Variants in ACSM6 observed in about 807,000 individuals in gnomAD.
ACSM6 encodes acyl-coenzyme A synthetase ACSM6, mitochondrial.
A neutral mutation model predicts 51.1 loss-of-function variants in ACSM6; 35 were observed. The observed-to-expected ratio is 0.69, with a 90% confidence interval of 0.52 to 0.91. The LOEUF is 0.91. ACSM6 is among the 40% of genes least tolerant of loss of function. The probability of loss-of-function intolerance (pLI) is 0.00; values close to 1 mark genes in which losing one functional copy is unlikely to be tolerated. For synonymous variants in ACSM6, 172 were observed against 207.3 expected (o/e 0.83, Z 1.46); for missense variants, 509 against 584.1 (o/e 0.87, Z 1.32).
chr10:95,201,370 A>G (rs996418981), intron 2 of ACSM6: 2 of 420,634 alleles, frequency 4.8e-6, no homozygotes, highest in African/African-American at 2.0e-5. Context: ...ATATGTACCC[A>G]CTGTTTAACT....
chr10:95,202,455 C>T (rs940129009), intron 3 of ACSM6, among the ~76,000 whole-genome samples: 3 of 152,114 alleles, frequency 2.0e-5, no homozygotes, highest in Non-Finnish European at 4.4e-5. Context: ...TGTTACGGTC[C>T]AGTCTTACAG....
intron 4 of ACSM6, among the ~76,000 whole-genome samples, chr10:95,208,725 A>C (rs1328048568): frequency 2.0e-5 from 3 of 152,104 alleles, no homozygotes; most frequent in Non-Finnish European, 4.4e-5. Flanking sequence ...ATCTCTTACT[A>C]TACCTAATTT....
chr10:95,199,337 T>C (rs2034767421), intron 2 of ACSM6, among the ~76,000 whole-genome samples: 2 of 152,246 alleles, frequency 1.3e-5, no homozygotes, highest in East Asian at 1.9e-4. Context: ...TTATACCTTA[T>C]ACAAAAATTA....
intron 2 of ACSM6, among the ~76,000 whole-genome samples, chr10:95,194,958 GTT>G (rs377087973): frequency 6.6e-6 from 1 of 152,338 alleles, no homozygotes; most frequent in East Asian, 1.9e-4. Context: ...TTAATGGTGT[GTT>G]TTTCACAGTG....
exon 11 of ACSM6, chr10:95,228,704 G>A (rs1280325471): frequency 6.4e-7 from 1 of 1,551,886 alleles, no homozygotes; most frequent in South Asian, 1.2e-5. Flanking sequence ...AGGTGACAGA[G>A]GGATCATGGA....
At chr10:95,201,887 A>C (rs1247323181) in intron 2 of ACSM6, 98 bp from the exon 3 acceptor site, 19 of 1,017,018 alleles carry the variant, frequency 1.9e-5, no homozygotes, top group Non-Finnish European at 2.7e-5. Flanking sequence ...TAGCCTCTCA[A>C]GATCTAGCCA....
chr10:95,225,390 T>A, exon 10 of ACSM6: 2 of 1,523,570 alleles, frequency 1.3e-6, no homozygotes, highest in Non-Finnish European at 1.8e-6. Flanking sequence ...TGTCCACACA[T>A]GGTAAGAAAA....
At chr10:95,218,706 G>A (rs530145030) in intron 8 of ACSM6, among the ~76,000 whole-genome samples, 2 of 152,294 alleles carry the variant, frequency 1.3e-5, no homozygotes, top group South Asian at 4.1e-4. Context: ...AACTTAAGGG[G>A]CCTAACCTGA....
chr10:95,196,760 A>C (rs546075315), intron 2 of ACSM6, among the ~76,000 whole-genome samples: 73 of 152,372 alleles, frequency 4.8e-4, no homozygotes, highest in African/African-American at 1.7e-3. Context: ...GCACTGTAGA[A>C]ATAATATAAT....
At chr10:95,195,450 A>C (rs2034715375) in intron 2 of ACSM6, among the ~76,000 whole-genome samples, 1 of 152,154 alleles carries the variant, frequency 6.6e-6, no homozygotes, top group African/African-American at 2.4e-5. Flanking sequence ...AAGAGTATTG[A>C]GTTATGAGGA....
intron 8 of ACSM6, among the ~76,000 whole-genome samples, 192 bp downstream of exon 8, chr10:95,215,167 C>G (rs1368402343): frequency 6.6e-6 from 1 of 152,218 alleles, no homozygotes; most frequent in Non-Finnish European, 1.5e-5. Flanking sequence ...AGATAACTTA[C>G]AGATTTACAG....
At position 95,210,663 on chromosome 10, in the gene ACSM6, A is replaced by T; in HGVS notation, c.625A>T (p.Lys209Ter). 1 of 1,613,676 alleles carries T rather than the reference A, an allele frequency of 6.2e-7. No homozygotes were observed. Among genetic ancestry groups the T allele is most frequent in the Non-Finnish European group, 8.5e-7 (1 of 1,179,776 alleles). ...CCTGGCTTACAGAGTTGCCCCTCCA[A>T]AGCAGACCTACATGAGGACCAAAAG... The change falls in exon 5 of 11, where the codon AAG becomes TAG. Residue 209 changes from lysine to a stop codon, truncating the protein, a stop_gained. Transcript: ENST00000341686. LOFTEE classifies it high-confidence loss of function.
rs201256506 is a variant in ACSM6, at chr10:95,194,495, C to T, written c.10C>T (p.Arg4Ter). Residue 4 changes from arginine to a stop codon, truncating the protein, a stop_gained, in exon 2 of 11, where the codon CGA (arginine) becomes TGA (stop). Coordinates refer to ENST00000341686, the Ensembl canonical transcript of ACSM6. LOFTEE classifies it high-confidence loss of function. ...TCCCTGTCTGACCCAAATGCTAGGC[C>T]GATTTCAACCCTTCTCCTTGGTCCG... 5.0e-4 allele frequency: 771 copies of T among 1,551,592 alleles called. 6 individuals carry two copies. Among genetic ancestry groups the T allele is most frequent in the South Asian group, 3.1e-3 (260 of 84,038 alleles).
rs546760506 is a variant in ACSM6, at chr10:95,214,609, G to C, written c.996-243G>C. On this transcript the variant is annotated intron_variant, in intron 7 of 10. Transcript: ENST00000341686. ...TTCCTGCCATCAGTTAGCACTGGTT[G>C]ATTTGCTTTTAACATTAATGCCGCT... Among the ~76,000 whole-genome samples the C allele has an allele frequency of 3.4e-4, 52 of 152,318 alleles. No homozygotes were observed. The South Asian group carries it at 0.011, about 32-fold the overall frequency.
rs779042658 is a variant in ACSM6, at chr10:95,207,311, C to T, written c.507C>T (p.Ala169=). 2.9e-5 allele frequency: 47 copies of T among 1,613,932 alleles called. No homozygotes were observed. In the East Asian group the frequency reaches 1.0e-3, roughly 36 times the overall value. The change falls in exon 4 of 11, where the codon GCC becomes GCT. Residue 169 remains alanine, a synonymous_variant. Transcript: ENST00000341686. ...GCATTGTGGCTAATGAAGCTATGGC[C>T]CCAGTTGTAAACTCTGCCGTGTCCG...
At chr10:95,224,216 C>A (rs1423577221) in intron 9 of ACSM6, among the ~76,000 whole-genome samples, 1 of 152,096 alleles carries the variant, frequency 6.6e-6, no homozygotes, top group African/African-American at 2.4e-5. Context: ...CTGGTAGTTT[C>A]CATAGAAAAG....
intron 3 of ACSM6, among the ~76,000 whole-genome samples, chr10:95,204,047 C>T (rs1288855275): frequency 6.6e-6 from 1 of 152,022 alleles, no homozygotes; most frequent in Non-Finnish European, 1.5e-5. Context: ...ACAATTGATC[C>T]ATGTCTGAGA....
intron 6 of ACSM6, among the ~76,000 whole-genome samples, chr10:95,212,305 T>C (rs1453873026): frequency 6.6e-6 from 1 of 152,182 alleles, no homozygotes; most frequent in Non-Finnish European, 1.5e-5. Flanking sequence ...AATATTAATA[T>C]CAGTTATCAT....
chr10:95,225,530 T>C (rs2035029417), intron 10 of ACSM6, 139 bp downstream of exon 10: 3 of 570,926 alleles, frequency 5.3e-6, no homozygotes, highest in African/African-American at 3.8e-5. Flanking sequence ...TCCAAAAATG[T>C]TAAATAGTAG....
Sources: gnomAD v4.1 joint callset for allele counts (sites outside exome capture counted in the v4.1 genomes callset) on GRCh38, gnomAD v4.1.1 for gene constraint, MANE v1.5 for transcripts, NCBI Gene and HGNC (gene_info 2026-07-23, HGNC 2026-07-21) for gene names.